The following KLHL31 variants were observed in gnomAD, a reference collection of about 807,000 sequenced individuals.
KLHL31 encodes kelch like family member 31, also known as kelch-like protein 31.
In KLHL31, 32 loss-of-function variants were observed where a neutral mutation model predicts 47.1. The ratio of observed to expected loss-of-function variants is 0.68; its 90% CI spans 0.51 to 0.91. The LOEUF is 0.91. KLHL31 is among the 40% of genes least tolerant of loss of function. The probability of loss-of-function intolerance (pLI) is 0.00; values close to 1 mark genes in which losing one functional copy is unlikely to be tolerated. For missense variants in KLHL31, 797 were observed against 819.3 expected, an observed-to-expected ratio of 0.97 and a Z score of 0.33; for synonymous variants, 330 against 325.1, an observed-to-expected ratio of 1.01 and a Z score of -0.16.
In KLHL31 at chr6:53,650,771, C is replaced by G. The variant is rs1430214659; in HGVS notation, c.*827G>C. 1 of 152,084 alleles carries G rather than the reference C, an allele frequency of 6.6e-6. No individual in the cohort carries two copies. The highest frequency in any genetic ancestry group is 1.9e-4 in the East Asian group (1 of 5,194). The allele number at this position is 152,084 out of a possible 1,614,324, so 9.4% of individuals were successfully genotyped here. On this transcript the variant is annotated 3_prime_UTR_variant, in exon 3 of 3. Coordinates refer to ENST00000370905, the MANE Select transcript of KLHL31 (RefSeq NM_001003760.5). ...TAAGGCTCCCAGGGTATGTGAAATTCTTCTTTAATAGAGGACAAGGGATAA... is the reference window on the plus strand; with the variant it reads ...TAAGGCTCCCAGGGTATGTGAAATTGTTCTTTAATAGAGGACAAGGGATAA...
rs933048806 is a variant in KLHL31 at position 53,650,850 on chromosome 6, T to C, written c.*748A>G. ...AAATGACTTAAATTTATGCTATAAA[T>C]TAAATGATTCATATCAATTACTTCA... On this transcript the variant is annotated 3_prime_UTR_variant, in exon 3 of 3. Coordinates refer to ENST00000370905, the MANE Select transcript of KLHL31 (RefSeq NM_001003760.5). 2 of 152,212 alleles carry C rather than the reference T, an allele frequency of 1.3e-5. No individual in the cohort carries two copies. Among genetic ancestry groups the C allele is most frequent in the African/African-American group, 4.8e-5 (2 of 41,446 alleles). The allele number at this position is 152,212 out of a possible 1,614,324, so 9.4% of individuals were successfully genotyped here.
At chr6:53,657,991 G>A (rs982068156) in intron 1 of KLHL31, among the ~76,000 whole-genome samples, 1 of 152,112 alleles carries the variant, frequency 6.6e-6, no homozygotes, top group African/African-American at 2.4e-5. Context: ...AATAGATTAT[G>A]AACCCTCTAT....
In KLHL31 at chr6:53,650,624, A is replaced by G. The variant is rs1180992506; in HGVS notation, c.*974T>C. The G allele has an allele frequency of 6.6e-6, 1 of 152,170 alleles. No homozygotes were observed. The highest frequency in any genetic ancestry group is 1.5e-5 in the Non-Finnish European group (1 of 68,026). The allele number at this position is 152,170 out of a possible 1,614,324, so 9.4% of individuals were successfully genotyped here. On this transcript the variant is annotated 3_prime_UTR_variant, in exon 3 of 3. Coordinates refer to ENST00000370905, the MANE Select transcript of KLHL31 (RefSeq NM_001003760.5). ...TATTGTTATTGGTTGTGTAAACTTC[A>G]AGCTCTCTAAGCTTAAGGCTAATGG...
intron 1 of KLHL31, among the ~76,000 whole-genome samples, chr6:53,657,257 G>C (rs1764575426): frequency 6.6e-6 from 1 of 151,972 alleles, no homozygotes; most frequent in African/African-American, 2.4e-5. Flanking sequence ...TGATTTCTTT[G>C]GTGCAAATAC....
chr6:53,657,707 T>A (rs1392975589), intron 1 of KLHL31, among the ~76,000 whole-genome samples: 1 of 151,746 alleles, frequency 6.6e-6, no homozygotes, highest in Non-Finnish European at 1.5e-5. Flanking sequence ...GCTTTGGCTC[T>A]CCTTGAAGGG....
At position 53,651,966 on chromosome 6, in the gene KLHL31, C is replaced by G; in HGVS notation, c.1537G>C (p.Asp513His). 1.9e-6 allele frequency: 3 copies of G among 1,593,328 alleles called. No homozygotes were observed. Among genetic ancestry groups the G allele is most frequent in the Non-Finnish European group, 2.6e-6 (3 of 1,176,236 alleles). ...RGWHCAVTLS[D>H]RVYVMGGSQL... ...CTGCCGCCCATCACGTACACTCTGT[C>G]GCTCAGCGTGACCGCGCAGTGCCAG... is the stretch of plus-strand genomic sequence containing the variant. The change falls in exon 3 of 3, where the codon GAC becomes CAC. Residue 513 changes from aspartate (D) to histidine (H), a missense_variant. Coordinates refer to ENST00000370905, the MANE Select transcript of KLHL31 (RefSeq NM_001003760.5).
In KLHL31 at chr6:53,655,299, G is replaced by A; in HGVS notation, c.-27C>T. On this transcript the variant is annotated 5_prime_UTR_variant, in exon 2 of 3. Transcript: ENST00000370905. ...TTGGCAAATACACTGTTACAGGCAA[G>A]AGCTTGCTAAAAAGAGAAAAAAAAA... 2 of 1,430,688 alleles carry A rather than the reference G, an allele frequency of 1.4e-6. No homozygotes were observed. The highest frequency in any genetic ancestry group is 1.9e-4 in the Middle Eastern group (1 of 5,358). The allele number at this position is 1,430,688 out of a possible 1,614,324, so 88.6% of individuals were successfully genotyped here.
Position 53,654,084 on chromosome 6 carries a change from A to C in KLHL31, c.1172+17T>G. The C allele has an allele frequency of 6.4e-7, 1 of 1,571,548 alleles. No homozygotes were observed. The highest frequency in any genetic ancestry group is 8.6e-7 in the Non-Finnish European group (1 of 1,159,466). ...ATAATATTGAGCCATTTCAGTTCCT[A>C]ATAAAAGATCAAGTACCTGCAGAAA... On this transcript the variant is annotated intron_variant, in intron 2 of 2. Transcript: ENST00000370905.
At position 53,654,242 on chromosome 6, in the gene KLHL31, C is replaced by G; in HGVS notation, c.1031G>C (p.Gly344Ala). The stretch of plus-strand genomic sequence containing the variant: ...TGGCATTTCCGTAAGCTTGCTCCAT[C>G]CATTTTCAGGGTCTCTATACAAGAT... ...RDILYRDPEN[G>A]WSKLTEMPAK... The change falls in exon 2 of 3, where the codon GGA becomes GCA. Residue 344 changes from glycine to alanine, a missense_variant. Physicochemically the swap from Gly to Ala is moderately conservative, Grantham distance 60. Coordinates refer to ENST00000370905, the MANE Select transcript of KLHL31 (RefSeq NM_001003760.5). The G allele has an allele frequency of 6.2e-7, 1 of 1,614,202 alleles. No individual in the cohort carries two copies. Among genetic ancestry groups the G allele is most frequent in the Non-Finnish European group, 8.5e-7 (1 of 1,180,036 alleles).
In KLHL31 at chr6:53,648,402, G is replaced by A. The variant is rs954716816; in HGVS notation, c.*3196C>T. 4 of 152,078 alleles carry A rather than the reference G, an allele frequency of 2.6e-5. No homozygotes were observed. The highest frequency in any genetic ancestry group is 7.2e-5 in the African/African-American group (3 of 41,408). 9.4% of individuals were successfully genotyped at this position (152,078 alleles called of 1,614,324 possible). A position where few individuals can be genotyped will look rare whatever the true frequency, so the allele number is the denominator to read the frequency against. ...TAATGAGGTGATTTTAGTTTATTTC[G>A]TCTCGTAACTTGGATGAGTTCTGAA... On this transcript the variant is annotated 3_prime_UTR_variant, in exon 3 of 3. Transcript: ENST00000370905.
Position 53,652,244 on chromosome 6 carries a change from A to G in KLHL31, c.1259T>C (p.Leu420Pro). Residue 420 changes from leucine to proline, a missense_variant, in exon 3 of 3, where the codon CTC becomes CCC. Physicochemically the swap from Leu to Pro is moderately conservative, Grantham distance 98 (BLOSUM62 -3). Transcript: ENST00000370905. Reference sequence around the variant, plus strand: ...GTTGCGGCCGCCCGCGGCGTACACGAGCCCGTTGAACACGCTCAGGCTGAA... The same window carrying G: ...GTTGCGGCCGCCCGCGGCGTACACGGGCCCGTTGAACACGCTCAGGCTGAA... ...THFSLSVFNGLVYAAGGRNAE... is the reference protein window; with the variant it reads ...THFSLSVFNGPVYAAGGRNAE... The G allele has an allele frequency of 6.2e-7, 1 of 1,614,058 alleles. No individual in the cohort carries two copies.
At position 53,648,318 on chromosome 6, in the gene KLHL31, G is replaced by C. The variant is rs150530439; in HGVS notation, c.*3280C>G. ...ACATATTCATCAGCGGCTGGAATAGGGATGTAGTTCATTCAGAGATTACAT... is the reference window on the plus strand; with the variant it reads ...ACATATTCATCAGCGGCTGGAATAGCGATGTAGTTCATTCAGAGATTACAT... On this transcript the variant is annotated 3_prime_UTR_variant, in exon 3 of 3. Coordinates refer to ENST00000370905, the MANE Select transcript of KLHL31 (RefSeq NM_001003760.5). 8.5e-4 allele frequency: 130 copies of C among 152,176 alleles called. No homozygotes were observed. The highest frequency in any genetic ancestry group is 3.4e-3 in the Middle Eastern group (1 of 294). 9.4% of individuals were successfully genotyped at this position (152,176 alleles called of 1,614,324 possible). A position where few individuals can be genotyped will look rare whatever the true frequency, so the allele number is the denominator to read the frequency against.
intron 2 of KLHL31, 191 bp from the exon 3 acceptor site, chr6:53,652,521 GC>G: frequency 7.5e-6 from 5 of 665,824 alleles, no homozygotes; most frequent in Non-Finnish European, 1.3e-5. Context: ...AAAAGACAAA[GC>G]AGGCATTGAC....
At chr6:53,653,075 G>A (rs953339876) in intron 2 of KLHL31, among the ~76,000 whole-genome samples, 1 of 152,136 alleles carries the variant, frequency 6.6e-6, no homozygotes, top group East Asian at 1.9e-4. Flanking sequence ...CCATGTATAA[G>A]CACTGCAATC....
intron 2 of KLHL31, among the ~76,000 whole-genome samples, chr6:53,653,756 AG>A (rs1764509563): frequency 6.6e-6 from 1 of 152,182 alleles, no homozygotes; most frequent in South Asian, 2.1e-4. Context: ...TTCTATCAAA[AG>A]TCAGTGTATT....
intron 1 of KLHL31, among the ~76,000 whole-genome samples, chr6:53,659,955 G>T (rs1325789903): frequency 1.3e-5 from 2 of 152,020 alleles, no homozygotes; most frequent in Non-Finnish European, 2.9e-5. Flanking sequence ...CTCAGCCCTG[G>T]CCTGTTCCAC....
Position 53,651,990 on chromosome 6 carries a change from A to G in KLHL31, c.1513T>C (p.Trp505Arg), listed in dbSNP as rs1179608356. ...ELPNLSTPRG[W>R]HCAVTLSDRV... ...TCGCTCAGCGTGACCGCGCAGTGCC[A>G]GCCCCGGGGTGTGCTGAGGTTCGGC... The change falls in exon 3 of 3, where the codon TGG (tryptophan) becomes CGG (arginine). Residue 505 changes from tryptophan to arginine, a missense_variant. By Grantham distance (101) the Trp-to-Arg change is moderately radical. Transcript: ENST00000370905. 1.9e-6 allele frequency: 3 copies of G among 1,592,200 alleles called. No individual in the cohort carries two copies. The highest frequency in any genetic ancestry group is 2.6e-6 in the Non-Finnish European group (3 of 1,175,444).
At chr6:53,663,573 C>G (rs1324743183) in intron 1 of KLHL31, among the ~76,000 whole-genome samples, 1 of 152,170 alleles carries the variant, frequency 6.6e-6, no homozygotes, top group African/African-American at 2.4e-5. Flanking sequence ...CAAATACTTT[C>G]AATCTCATAT....
In KLHL31 at chr6:53,654,385, C is replaced by T. The variant is rs761042617; in HGVS notation, c.888G>A (p.Leu296=). The change falls in exon 2 of 3, where the codon TTG becomes TTA. Residue 296 remains leucine (L), a synonymous_variant. Coordinates refer to ENST00000370905, the MANE Select transcript of KLHL31 (RefSeq NM_001003760.5). ...RLLVDAMNYH[L]LPYHQNTLQS... ...GCAATGTGTTTTGATGATATGGAAG[C>T]AAGTGGTAGTTCATAGCATCTACGA... 6.2e-6 allele frequency: 10 copies of T among 1,614,052 alleles called. No homozygotes were observed. The highest frequency in any genetic ancestry group is 8.5e-6 in the Non-Finnish European group (10 of 1,180,044).
Sources: gnomAD v4.1 joint callset for allele counts (sites outside exome capture counted in the v4.1 genomes callset) on GRCh38, gnomAD v4.1.1 for gene constraint, MANE v1.5 for transcripts, NCBI Gene and HGNC (gene_info 2026-07-23, HGNC 2026-07-21) for gene names.